CNR2: variants seen among roughly 807,000 people sequenced by gnomAD.
CNR2 encodes cannabinoid receptor 2, also known as cannabinoid receptor 2 (macrophage).
For missense variants in CNR2, 379 were observed against 439.9 expected (o/e 0.86, Z 1.24); for synonymous variants, 172 against 182.2 (o/e 0.94, Z 0.45).
rs1263418042 is a variant in CNR2, at chr1:23,875,388, G to A, written c.230C>T (p.Ala77Val). The A allele has an allele frequency of 1.9e-6, 3 of 1,614,236 alleles. No homozygotes were observed. The highest frequency in any genetic ancestry group is 3.3e-5 in the Admixed American group (2 of 60,030). The change falls in exon 2 of 2, where the codon GCT becomes GTT. Residue 77 changes from alanine to valine, a missense_variant. Transcript: ENST00000374472. ...KPSYLFIGSLAGADFLASVVF... is the reference protein window; with the variant it reads ...KPSYLFIGSLVGADFLASVVF... Reference sequence around the variant, plus strand: ...CACACTGGCCAGGAAGTCAGCCCCAGCCAAGCTGCCAATGAACAGGTATGA... The same window carrying A: ...CACACTGGCCAGGAAGTCAGCCCCAACCAAGCTGCCAATGAACAGGTATGA...
At chr1:23,912,257 C>T (rs1441644354) in intron 1 of CNR2, among the ~76,000 whole-genome samples, 2 of 152,218 alleles carry the variant, frequency 1.3e-5, no homozygotes, top group East Asian at 1.9e-4. Flanking sequence ...GAAAATACTG[C>T]TCTTCCCTCC....
At chr1:23,900,270 T>C (rs1640375901) in intron 1 of CNR2, among the ~76,000 whole-genome samples, 2 of 152,106 alleles carry the variant, frequency 1.3e-5, no homozygotes, top group Admixed American at 6.6e-5. Context: ...CCAAACAAAC[T>C]GTCCTTAAAA....
chr1:23,888,468 G>A (rs557915758), intron 1 of CNR2, among the ~76,000 whole-genome samples: 2 of 152,068 alleles, frequency 1.3e-5, no homozygotes, highest in South Asian at 4.1e-4. Context: ...TGGGAGTATC[G>A]GTCCTTTCGA....
chr1:23,874,985 A>G lies in CNR2; in HGVS notation c.633T>C (p.His211=). 6.2e-7 allele frequency: 1 copy of G among 1,610,422 alleles called. No individual in the cohort carries two copies. Among genetic ancestry groups the G allele is most frequent in the Non-Finnish European group, 8.5e-7 (1 of 1,178,044 alleles). Residue 211 remains histidine (H), a synonymous_variant, in exon 2 of 2, where the codon CAT becomes CAC. Coordinates refer to ENST00000374472, the MANE Select transcript of CNR2 (RefSeq NM_001841.3). ...LFSGIIYTYG[H]VLWKAHQHVA... is the part of the protein sequence containing the mutation. Reference sequence around the variant, plus strand: ...CATGCTGATGGGCCTTCCAGAGAACATGCCCATAGGTGTAGATGATTCCGG... The same window carrying G: ...CATGCTGATGGGCCTTCCAGAGAACGTGCCCATAGGTGTAGATGATTCCGG...
intron 1 of CNR2, among the ~76,000 whole-genome samples, chr1:23,894,991 G>A (rs561784676): frequency 1.3e-5 from 2 of 151,774 alleles, no homozygotes; most frequent in South Asian, 2.1e-4. Context: ...AGGCTGAGGT[G>A]GGCGGATCAC....
chr1:23,877,095 G>A (rs1050004825), intron 1 of CNR2, among the ~76,000 whole-genome samples: 5 of 152,058 alleles, frequency 3.3e-5, no homozygotes, highest in Non-Finnish European at 5.9e-5. Flanking sequence ...CAGCAGAAAC[G>A]TCAGACAGTA....
chr1:23,900,251 T>G (rs2148468718), intron 1 of CNR2, among the ~76,000 whole-genome samples: 1 of 152,192 alleles, frequency 6.6e-6, no homozygotes, highest in African/African-American at 2.4e-5. Flanking sequence ...GCTCACTGGC[T>G]CCCCGCAACC....
At chr1:23,898,633 C>A (rs1339132844) in intron 1 of CNR2, among the ~76,000 whole-genome samples, 1 of 138,850 alleles carries the variant, frequency 7.2e-6, no homozygotes, top group African/African-American at 2.7e-5. Context: ...AGCCACCACG[C>A]CTGGCCAATT....
chr1:23,902,574 G>A, intron 1 of CNR2: 1 of 1,607,290 alleles, frequency 6.2e-7, no homozygotes, highest in Non-Finnish European at 8.5e-7. Flanking sequence ...TTTGACTTCC[G>A]CCAGGTCCCA....
intron 1 of CNR2, among the ~76,000 whole-genome samples, chr1:23,893,022 A>G (rs1251359998): frequency 6.6e-6 from 1 of 152,242 alleles, no homozygotes; most frequent in East Asian, 1.9e-4. Context: ...TCTCAAAAAA[A>G]TAAAAGGAAA....
intron 1 of CNR2, among the ~76,000 whole-genome samples, chr1:23,887,055 G>A (rs1174752328): frequency 6.6e-6 from 1 of 152,126 alleles, no homozygotes; most frequent in South Asian, 2.1e-4. Context: ...ACAGGTGCAC[G>A]CCACCATGCC....
intron 1 of CNR2, among the ~76,000 whole-genome samples, chr1:23,899,000 AAAT>A (rs1189976753): frequency 6.6e-6 from 1 of 152,150 alleles, no homozygotes; most frequent in African/African-American, 2.4e-5. Flanking sequence ...TTTGATGGAC[AAAT>A]AATAATTGTA....
intron 1 of CNR2, among the ~76,000 whole-genome samples, chr1:23,911,236 G>C (rs568824955): frequency 6.6e-6 from 1 of 152,096 alleles, no homozygotes; most frequent in East Asian, 1.9e-4. Flanking sequence ...GGCTGGGAGG[G>C]GACCGAGGTC....
Position 23,901,424 on chromosome 1 carries a change from T to C in CNR2, c.-46+11822A>G, listed in dbSNP as rs998721167. 10 of 1,482,684 alleles carry C rather than the reference T, an allele frequency of 6.7e-6. No homozygotes were observed. The African/African-American group carries it at 1.3e-4, about 19-fold the overall frequency. The allele number at this position is 1,482,684 out of a possible 1,614,324, so 91.8% of individuals were successfully genotyped here. A position where few individuals can be genotyped will look rare whatever the true frequency, so the allele number is the denominator to read the frequency against. On this transcript the variant is annotated intron_variant, in intron 1 of 1. Transcript: ENST00000374472. ...TGTCAAGAAGCAGTTAGTGTCCTGA[T>C]TTCCCCTCCATCCACTCGCCGACCT...
rs760399323 is a variant in CNR2, at chr1:23,874,495, G to C, written c.*40C>G. 6.3e-7 allele frequency: 1 copy of C among 1,580,484 alleles called. No homozygotes were observed. Among genetic ancestry groups the C allele is most frequent in the Non-Finnish European group, 8.6e-7 (1 of 1,162,890 alleles). On this transcript the variant is annotated 3_prime_UTR_variant, in exon 2 of 2. Coordinates refer to ENST00000374472, the MANE Select transcript of CNR2 (RefSeq NM_001841.3). ...CTCTCTCTCTTCCAGGGAGTGAACTGATTTCTGACTTGAGTTGTTTAAATT... is the reference window on the plus strand; with the variant it reads ...CTCTCTCTCTTCCAGGGAGTGAACTCATTTCTGACTTGAGTTGTTTAAATT...
chr1:23,890,811 T>C (rs2148464670), intron 1 of CNR2, among the ~76,000 whole-genome samples: 1 of 150,718 alleles, frequency 6.6e-6, no homozygotes, highest in East Asian at 1.9e-4. Flanking sequence ...GCTGGGCCCC[T>C]GCTGCAGTGT....
intron 1 of CNR2, among the ~76,000 whole-genome samples, chr1:23,899,276 T>C (rs949431371): frequency 6.6e-6 from 1 of 152,068 alleles, no homozygotes; most frequent in Admixed American, 6.6e-5. Context: ...ACCACAGAAG[T>C]TGGGCAGCCT....
chr1:23,890,334 C>T (rs926701923), intron 1 of CNR2, among the ~76,000 whole-genome samples: 3 of 151,794 alleles, frequency 2.0e-5, no homozygotes, highest in African/African-American at 2.4e-5. Context: ...GCCTGACCTT[C>T]GCCTGAGAGC....
chr1:23,905,947 G>T (rs763198793), intron 1 of CNR2, among the ~76,000 whole-genome samples: 2 of 152,158 alleles, frequency 1.3e-5, no homozygotes, highest in African/African-American at 2.4e-5. Context: ...CAGGCCTCGG[G>T]AGCCAAACTT....
Sources: gnomAD v4.1 joint callset for allele counts (sites outside exome capture counted in the v4.1 genomes callset) on GRCh38, gnomAD v4.1.1 for gene constraint, MANE v1.5 for transcripts, NCBI Gene and HGNC (gene_info 2026-07-23, HGNC 2026-07-21) for gene names.